Variants in GALNT18 observed in about 807,000 individuals in gnomAD.
GALNT18 encodes polypeptide N-acetylgalactosaminyltransferase 18.
A neutral mutation model predicts 69.5 loss-of-function variants in GALNT18; 44 were observed. The ratio of observed to expected loss-of-function variants is 0.63; its 90% CI spans 0.50 to 0.81. GALNT18 has a LOEUF of 0.81. GALNT18 is among the 40% of genes least tolerant of loss of function. GALNT18 has a pLI of 0.00. For synonymous variants in GALNT18, 364 were observed against 318.2 expected (o/e 1.14, Z -1.53); for missense variants, 715 against 810.0 (o/e 0.88, Z 1.42).
At chr11:11,357,483 A>G (rs1850555434) in intron 6 of GALNT18, among the ~76,000 whole-genome samples, 1 of 152,136 alleles carries the variant, frequency 6.6e-6, no homozygotes, top group Middle Eastern at 3.2e-3. Context: ...CTCCCTCCTT[A>G]GACCTTTGAA....
chr11:11,321,627 G>A (rs1258113355), intron 9 of GALNT18, among the ~76,000 whole-genome samples: 4 of 152,070 alleles, frequency 2.6e-5, no homozygotes, highest in Non-Finnish European at 5.9e-5. Flanking sequence ...TTTTGAGATG[G>A]AGTCTCACTC....
intron 3 of GALNT18, among the ~76,000 whole-genome samples, chr11:11,400,389 G>C (rs569451114): frequency 6.6e-5 from 10 of 152,330 alleles, no homozygotes; most frequent in Non-Finnish European, 1.0e-4. Context: ...ATTAGACAAA[G>C]TGTTCCTTCA....
intron 1 of GALNT18, among the ~76,000 whole-genome samples, chr11:11,516,991 GA>G (rs1296728214): frequency 6.6e-6 from 1 of 152,202 alleles, no homozygotes; most frequent in Non-Finnish European, 1.5e-5. Context: ...TATGAGGGCA[GA>G]GCCCTCATCA....
At chr11:11,291,147 G>A (rs188981108) in intron 10 of GALNT18, among the ~76,000 whole-genome samples, 4 of 152,106 alleles carry the variant, frequency 2.6e-5, no homozygotes, top group Non-Finnish European at 4.4e-5. Context: ...AGTGATGAAG[G>A]CTTCTGCTAG....
At chr11:11,367,576 C>G (rs74421054) in intron 6 of GALNT18, among the ~76,000 whole-genome samples, 2,260 of 152,278 alleles carry the variant, frequency 0.015, 57 homozygotes, top group African/African-American at 0.051. Flanking sequence ...CTCTGGTTGC[C>G]TGCTCTGGAC....
Position 11,454,493 on chromosome 11 carries a change from G to A in GALNT18, c.236-5557C>T, listed in dbSNP as rs987674649. Among the ~76,000 whole-genome samples the A allele has an allele frequency of 2.0e-5, 3 of 151,650 alleles. No individual in the cohort carries two copies. The highest frequency in any genetic ancestry group is 6.6e-5 in the Admixed American group (1 of 15,224). On this transcript the variant is annotated intron_variant, in intron 1 of 10. Transcript: ENST00000227756. The surrounding 1 kb of genome is among the most constrained non-coding windows in gnomAD (Gnocchi z 4.2). The stretch of plus-strand genomic sequence containing the variant: ...AGGGAGGCAGGGAGAGAAGGAGGCT[G>A]TGTCTTCTTCTTGCCTCTCTCTCTC...
rs1031624600 is a variant in GALNT18 at position 11,395,891 on chromosome 11, C to T, written c.596-16627G>A. ...GTAGGCAAAGCACACTGACCATGAC[C>T]ACGATGCAAATGTCAACTAATTAAA... On this transcript the variant is annotated intron_variant, in intron 3 of 10. Coordinates refer to ENST00000227756, the MANE Select transcript of GALNT18 (RefSeq NM_198516.3). Among the ~76,000 whole-genome samples the T allele has an allele frequency of 5.9e-5, 9 of 152,246 alleles. No homozygotes were observed. The South Asian group carries it at 6.2e-4, about 11-fold the overall frequency.
rs979384335 is a variant in GALNT18 at position 11,583,902 on chromosome 11, A to G, written c.235+37457T>C. ...ATCTCAATATCATTATAAGGCCCAAATAAATGAATTATGGTCTTAGACAAG... is the reference window on the plus strand; with the variant it reads ...ATCTCAATATCATTATAAGGCCCAAGTAAATGAATTATGGTCTTAGACAAG... On this transcript the variant is annotated intron_variant, in intron 1 of 10. Transcript: ENST00000227756. The surrounding 1 kb of genome is among the most constrained non-coding windows in gnomAD (Gnocchi z 4.7). Among the ~76,000 whole-genome samples the G allele has an allele frequency of 1.3e-5, 2 of 152,158 alleles. No homozygotes were observed. The highest frequency in any genetic ancestry group is 4.8e-5 in the African/African-American group (2 of 41,438).
intron 1 of GALNT18, among the ~76,000 whole-genome samples, chr11:11,521,275 C>A (rs1857393092): frequency 6.6e-6 from 1 of 152,094 alleles, no homozygotes; most frequent in Non-Finnish European, 1.5e-5. Flanking sequence ...AACAGGGGTA[C>A]AAACTAGCAA....
chr11:11,404,956 G>C lies in GALNT18; in HGVS notation c.596-25692C>G, dbSNP rs1226284308. On this transcript the variant is annotated intron_variant, in intron 3 of 10. Coordinates refer to ENST00000227756, the MANE Select transcript of GALNT18 (RefSeq NM_198516.3). The surrounding 1 kb of genome is among the most constrained non-coding windows in gnomAD (Gnocchi z 4.5). The stretch of plus-strand genomic sequence containing the variant: ...GCATGAAAGGGGTCCCGCCTGTCAT[G>C]GGGGAACAGATGAAGCAACAGAGCT... Among the ~76,000 whole-genome samples, 1 of 152,144 alleles carries C rather than the reference G, an allele frequency of 6.6e-6. No homozygotes were observed. Among genetic ancestry groups the C allele is most frequent in the Non-Finnish European group, 1.5e-5 (1 of 68,032 alleles).
intron 1 of GALNT18, among the ~76,000 whole-genome samples, chr11:11,589,698 G>A (rs970755035): frequency 2.6e-5 from 4 of 151,976 alleles, no homozygotes; most frequent in Non-Finnish European, 4.4e-5. Context: ...TTTGTCTATC[G>A]CCCCTCACTC....
At chr11:11,327,732 G>C (rs1849949684) in intron 8 of GALNT18, among the ~76,000 whole-genome samples, 1 of 152,212 alleles carries the variant, frequency 6.6e-6, no homozygotes, top group African/African-American at 2.4e-5. Context: ...CAGGAGAAGA[G>C]AGCAGCATCT....
rs1179414126 is a variant in GALNT18, at chr11:11,318,380, A to G, written c.1512+8706T>C. 6.6e-6 allele frequency among the ~76,000 whole-genome samples: 1 copy of G among 152,192 alleles called. No homozygotes were observed. Among genetic ancestry groups the G allele is most frequent in the Non-Finnish European group, 1.5e-5 (1 of 68,042 alleles). On this transcript the variant is annotated intron_variant, in intron 9 of 10. Transcript: ENST00000227756. This position sits in a 1 kb window ranked among gnomAD's most constrained non-coding sequence, Gnocchi z 5.1. Reference sequence around the variant, plus strand: ...ATCCAACATGAGTAGTGTCCTTATAAAAAGGGGCAATTTGGACACAGACGC... The same window carrying G: ...ATCCAACATGAGTAGTGTCCTTATAGAAAGGGGCAATTTGGACACAGACGC...
At chr11:11,284,914 T>TTTTTTTTTG (rs1849162832) in intron 10 of GALNT18, among the ~76,000 whole-genome samples, 1 of 111,946 alleles carries the variant, frequency 8.9e-6, no homozygotes, top group Non-Finnish European at 2.0e-5. Flanking sequence ...TCGTGTTTTT[T>TTTTTTTTTG]TTTTTTTTTT....
In GALNT18 at chr11:11,462,815, C is replaced by T. The variant is rs528677644; in HGVS notation, c.236-13879G>A. On this transcript the variant is annotated intron_variant, in intron 1 of 10. Coordinates refer to ENST00000227756, the MANE Select transcript of GALNT18 (RefSeq NM_198516.3). ...CTAGGACCGGGAAGTAAAAAAGGGT[C>T]TTAATGCCCTCATTCCTGCTCAGTG... Among the ~76,000 whole-genome samples, 36 of 152,304 alleles carry T rather than the reference C, an allele frequency of 2.4e-4. No individual in the cohort carries two copies. The South Asian group carries it at 7.0e-3, about 30-fold the overall frequency.
chr11:11,295,113 G>C (rs1053217287), intron 9 of GALNT18, among the ~76,000 whole-genome samples: 12 of 152,228 alleles, frequency 7.9e-5, no homozygotes, highest in Non-Finnish European at 1.2e-4. Context: ...GTGGAAAGAA[G>C]GCAGTGCAGG....
At position 11,621,342 on chromosome 11, in the gene GALNT18, T is replaced by G; in HGVS notation, c.235+17A>C. 3.7e-6 allele frequency: 6 copies of G among 1,606,664 alleles called. No homozygotes were observed. The highest frequency in any genetic ancestry group is 5.1e-6 in the Non-Finnish European group (6 of 1,174,356). On this transcript the variant is annotated intron_variant, in intron 1 of 10. Transcript: ENST00000227756. This position sits in a 1 kb window ranked among gnomAD's most constrained non-coding sequence, Gnocchi z 9.3. ...CCCGGGCCTCATGGGCGACCCAAGT[T>G]TCCGGGGCGCCCGTACCTTGAATGT...
In GALNT18 at chr11:11,603,799, A is replaced by G. The variant is rs1299259300; in HGVS notation, c.235+17560T>C. ...AATTACTGAAATCAGAGTTATTACA[A>G]AGCATAACATTTGCTATCATAAATA... On this transcript the variant is annotated intron_variant, in intron 1 of 10. Coordinates refer to ENST00000227756, the MANE Select transcript of GALNT18 (RefSeq NM_198516.3). The surrounding 1 kb of genome is among the most constrained non-coding windows in gnomAD (Gnocchi z 4.5). Among the ~76,000 whole-genome samples the G allele has an allele frequency of 1.3e-5, 2 of 152,240 alleles. No individual in the cohort carries two copies. The highest frequency in any genetic ancestry group is 2.9e-5 in the Non-Finnish European group (2 of 68,048).
At position 11,613,694 on chromosome 11, in the gene GALNT18, C is replaced by G. The variant is rs1285483333; in HGVS notation, c.235+7665G>C. Among the ~76,000 whole-genome samples, 2 of 152,222 alleles carry G rather than the reference C, an allele frequency of 1.3e-5. No individual in the cohort carries two copies. The highest frequency in any genetic ancestry group is 2.9e-5 in the Non-Finnish European group (2 of 68,040). On this transcript the variant is annotated intron_variant, in intron 1 of 10. Coordinates refer to ENST00000227756, the MANE Select transcript of GALNT18 (RefSeq NM_198516.3). The surrounding 1 kb of genome is among the most constrained non-coding windows in gnomAD (Gnocchi z 4.2). Reference sequence around the variant, plus strand: ...TAGGAGCCATGAAATGACCACATCCCTGCCAAATCCAAGGCAGAAGCTCCA... The same window carrying G: ...TAGGAGCCATGAAATGACCACATCCGTGCCAAATCCAAGGCAGAAGCTCCA...
Sources: gnomAD v4.1 joint callset for allele counts (sites outside exome capture counted in the v4.1 genomes callset) on GRCh38, gnomAD v4.1.1 for gene constraint, Gnocchi (gnomAD v3.1) non-coding constraint, MANE v1.5 for transcripts, NCBI Gene and HGNC (gene_info 2026-07-23, HGNC 2026-07-21) for gene names.